TCF4: variants seen among roughly 807,000 people sequenced by gnomAD.
TCF4 encodes transcription factor 4.
TCF4 carries 3 observed loss-of-function variants against 82.1 expected under a neutral mutation model. That is an observed-to-expected ratio of 0.04 (90% CI 0.02 to 0.09). The LOEUF is 0.09. Among genes scored for constraint, TCF4 ranks in the 10% least tolerant of loss-of-function variants. The probability of loss-of-function intolerance (pLI) is 1.00; values close to 1 mark genes in which losing one functional copy is unlikely to be tolerated. For synonymous variants in TCF4, 276 were observed against 309.6 expected, an observed-to-expected ratio of 0.89 and a Z score of 1.14; for missense variants, 518 against 852.7, an observed-to-expected ratio of 0.61 and a Z score of 4.89.
intron 3 of TCF4, 150 bp downstream of exon 3, chr18:55,585,130 A>G (rs1354196699): frequency 1.4e-6 from 1 of 724,876 alleles, no homozygotes; most frequent in African/African-American, 1.8e-5. Context: ...TGTGTAAGTT[A>G]TACCACTGAT....
intron 5 of TCF4, among the ~76,000 whole-genome samples, chr18:55,420,171 G>A (rs187100957): frequency 6.6e-6 from 1 of 152,234 alleles, no homozygotes; most frequent in East Asian, 1.9e-4. Context: ...AAGGTCCCAA[G>A]CCTTACAGGT....
chr18:55,380,278 T>C (rs1040293726), intron 6 of TCF4, among the ~76,000 whole-genome samples: 1 of 152,064 alleles, frequency 6.6e-6, no homozygotes, highest in African/African-American at 2.4e-5. Flanking sequence ...CTTTTTTTTT[T>C]TAAATTATAC....
At chr18:55,483,639 G>A (rs1455608923) in intron 3 of TCF4, among the ~76,000 whole-genome samples, 1 of 152,168 alleles carries the variant, frequency 6.6e-6, no homozygotes, top group African/African-American at 2.4e-5. Context: ...ACTTTGATAT[G>A]CACCCTAGTG....
At chr18:55,493,455 T>A (rs1045687249) in intron 3 of TCF4, among the ~76,000 whole-genome samples, 11 of 152,140 alleles carry the variant, frequency 7.2e-5, no homozygotes, top group African/African-American at 1.9e-4. Context: ...AGCTTTTTTT[T>A]AAAATGCTGG....
chr18:55,489,552 A>G (rs1381698625), intron 3 of TCF4, among the ~76,000 whole-genome samples: 1 of 152,198 alleles, frequency 6.6e-6, no homozygotes, highest in African/African-American at 2.4e-5. Context: ...AAATGATGAA[A>G]GTACTGATAA....
rs2097621663 is a variant in TCF4 at position 55,584,874 on chromosome 18, T to C, written c.145+406A>G. 4.6e-5 allele frequency among the ~76,000 whole-genome samples: 7 copies of C among 152,296 alleles called. No homozygotes were observed. In the South Asian group the frequency reaches 1.4e-3, roughly 32 times the overall value. Reference sequence around the variant, plus strand: ...TTCATTTCTTTAAAAGGGTTAATTGTATACAGTACCTAATAAATGATATTA... The same window carrying C: ...TTCATTTCTTTAAAAGGGTTAATTGCATACAGTACCTAATAAATGATATTA... On this transcript the variant is annotated intron_variant, in intron 3 of 19. Coordinates refer to ENST00000354452, the MANE Select transcript of TCF4 (RefSeq NM_001083962.2).
chr18:55,591,394 A>C (rs1331595286), upstream of TCF4: 1 of 152,280 alleles, frequency 6.6e-6, no homozygotes, highest in Non-Finnish European at 1.5e-5. Flanking sequence ...TCTTTGAACT[A>C]AGGCCCAATG....
intron 2 of TCF4, chr18:55,585,863 T>C: frequency 3.0e-6 from 3 of 1,003,056 alleles, no homozygotes; most frequent in Non-Finnish European, 3.7e-6. Flanking sequence ...GAAGCAAGAC[T>C]CTCTCTCTCT....
Position 55,498,860 on chromosome 18 carries a change from T to C in TCF4, c.146-34723A>G, listed in dbSNP as rs117285364. The stretch of plus-strand genomic sequence containing the variant: ...TCTCCTTGGTAATGAGAATGTGATG[T>C]AATGTATCTTCTTCCTTTTATTTGT... On this transcript the variant is annotated intron_variant, in intron 3 of 19. Transcript: ENST00000354452. Among the ~76,000 whole-genome samples, 1,334 of 152,296 alleles carry C rather than the reference T, an allele frequency of 8.8e-3. 49 individuals carry two copies. The highest frequency in any genetic ancestry group is 0.061 in the Admixed American group (926 of 15,302).
At chr18:55,313,356 CAG>C (rs1249256385) in intron 8 of TCF4, among the ~76,000 whole-genome samples, 2 of 152,064 alleles carry the variant, frequency 1.3e-5, no homozygotes, top group African/African-American at 4.8e-5. Flanking sequence ...AATTATTACA[CAG>C]GACAAAGTCT....
intron 5 of TCF4, among the ~76,000 whole-genome samples, chr18:55,459,762 C>T (rs17089826): frequency 0.087 from 13,293 of 152,172 alleles, 726 homozygotes; most frequent in South Asian, 0.19. Flanking sequence ...GGGATTCCTG[C>T]TTGAGTTACA....
chr18:55,480,296 A>AAAGAGG (rs1568175293), intron 3 of TCF4, among the ~76,000 whole-genome samples: 2 of 63,356 alleles, frequency 3.2e-5, no homozygotes, highest in African/African-American at 6.0e-5. Flanking sequence ...AAAAAAAAAA[A>AAAGAGG]GCGGGGGGGC....
intron 6 of TCF4, among the ~76,000 whole-genome samples, chr18:55,360,902 T>C (rs533926484): frequency 2.0e-5 from 3 of 151,880 alleles, no homozygotes; most frequent in Non-Finnish European, 2.9e-5. Context: ...AATTTTTGTA[T>C]TTTTAGTTGA....
At chr18:55,500,013 T>C (rs1027298408) in intron 3 of TCF4, among the ~76,000 whole-genome samples, 3 of 151,822 alleles carry the variant, frequency 2.0e-5, no homozygotes, top group Admixed American at 6.6e-5. Flanking sequence ...TGAAACCCCA[T>C]CTCTACTAAA....
intron 2 of TCF4, among the ~76,000 whole-genome samples, chr18:55,613,615 T>C (rs1308355617): frequency 2.6e-5 from 4 of 152,328 alleles, no homozygotes; most frequent in East Asian, 3.9e-4. Context: ...CTTACAGTTA[T>C]GGCAGAAAGC....
intron 14 of TCF4, 72 bp from the exon 15 acceptor site, chr18:55,254,772 T>C (rs2056362130): frequency 6.5e-6 from 9 of 1,391,448 alleles, no homozygotes; most frequent in Middle Eastern, 2.4e-4. Flanking sequence ...AGTAAAATTT[T>C]AGTCGACAAA....
chr18:55,308,375 T>C (rs577750565), intron 8 of TCF4, among the ~76,000 whole-genome samples: 26 of 152,310 alleles, frequency 1.7e-4, no homozygotes, highest in Non-Finnish European at 2.8e-4. Context: ...ATGGTGAATA[T>C]TGAACCCAAT....
chr18:55,296,805 T>A (rs1227544451), intron 8 of TCF4, among the ~76,000 whole-genome samples: 1 of 152,132 alleles, frequency 6.6e-6, no homozygotes, highest in Non-Finnish European at 1.5e-5. Flanking sequence ...ATTGAAAAAA[T>A]TTAAACTGCA....
intron 8 of TCF4, among the ~76,000 whole-genome samples, chr18:55,291,493 C>G (rs190883651): frequency 1.0e-3 from 159 of 152,234 alleles, no homozygotes; most frequent in Middle Eastern, 0.01. Flanking sequence ...GTTACCCCAT[C>G]TTCCCTTTCA....
Sources: allele counts gnomAD v4.1 joint callset (sites outside exome capture counted in the v4.1 genomes callset), GRCh38; gene constraint gnomAD v4.1.1; transcripts MANE v1.5; gene names NCBI Gene and HGNC (gene_info 2026-07-23, HGNC 2026-07-21).